Variants in IGF2BP3 observed in about 807,000 individuals in gnomAD.
The protein encoded by IGF2BP3 is insulin-like growth factor 2 mRNA-binding protein 3.
In IGF2BP3, 9 loss-of-function variants were observed where a neutral mutation model predicts 73.8. That is an observed-to-expected ratio of 0.12 (90% CI 0.07 to 0.21). IGF2BP3 has a LOEUF of 0.21. IGF2BP3 is among the 10% of genes least tolerant of loss of function. IGF2BP3 has a pLI of 1.00. For synonymous variants in IGF2BP3, 258 were observed against 256.7 expected (o/e 1.01, Z -0.05); for missense variants, 542 against 714.0 (o/e 0.76, Z 2.75).
chr7:23,374,779 CTA>C (rs1012875260), intron 3 of IGF2BP3, among the ~76,000 whole-genome samples: 3 of 152,066 alleles, frequency 2.0e-5, no homozygotes, highest in African/African-American at 7.2e-5. Context: ...AGGTTCTTTT[CTA>C]TATTCCCTAA....
At position 23,355,290 on chromosome 7, in the gene IGF2BP3, C is replaced by T. The variant is rs1236595061; in HGVS notation, c.402-3704G>A. 7.3e-5 allele frequency among the ~76,000 whole-genome samples: 11 copies of T among 151,302 alleles called. No individual in the cohort carries two copies. In the East Asian group the frequency reaches 1.9e-3, roughly 27 times the overall value. Reference sequence around the variant, plus strand: ...AGGCTGGAGCGCAATGACGCGATCTCGGCTCACTGCTGCAACCTCCACCTC... The same window carrying T: ...AGGCTGGAGCGCAATGACGCGATCTTGGCTCACTGCTGCAACCTCCACCTC... On this transcript the variant is annotated intron_variant, in intron 5 of 14. Coordinates refer to ENST00000258729, the MANE Select transcript of IGF2BP3 (RefSeq NM_006547.3).
intron 3 of IGF2BP3, among the ~76,000 whole-genome samples, chr7:23,393,671 G>A (rs1786356018): frequency 6.6e-6 from 1 of 152,248 alleles, no homozygotes; most frequent in East Asian, 1.9e-4. Flanking sequence ...ATTCTCAAAG[G>A]AGCTAAAATA....
chr7:23,378,703 A>G (rs1785809603), intron 3 of IGF2BP3, among the ~76,000 whole-genome samples: 1 of 149,940 alleles, frequency 6.7e-6, no homozygotes, highest in Non-Finnish European at 1.5e-5. Context: ...CCTCCCGAGT[A>G]GCTGGGACTA....
intron 3 of IGF2BP3, among the ~76,000 whole-genome samples, chr7:23,378,329 C>T (rs10227621): frequency 6.9e-6 from 1 of 145,606 alleles, no homozygotes; most frequent in Admixed American, 6.8e-5. Flanking sequence ...AATATCAAAT[C>T]TGAATTACAC....
intron 2 of IGF2BP3, among the ~76,000 whole-genome samples, chr7:23,461,770 T>A (rs1562765599): frequency 6.6e-6 from 1 of 152,216 alleles, no homozygotes; most frequent in Non-Finnish European, 1.5e-5. Context: ...CTTCCTTCAA[T>A]TTGTGGAAGA....
At chr7:23,359,324 A>G (rs918391132) in intron 5 of IGF2BP3, among the ~76,000 whole-genome samples, 1 of 152,214 alleles carries the variant, frequency 6.6e-6, no homozygotes, top group African/African-American at 2.4e-5. Flanking sequence ...ACCAAAGTTC[A>G]TCTTATGCCT....
intron 10 of IGF2BP3, among the ~76,000 whole-genome samples, chr7:23,340,957 C>CT (rs1784696521): frequency 6.6e-6 from 1 of 151,090 alleles, no homozygotes; most frequent in Non-Finnish European, 1.5e-5. Flanking sequence ...TCAAGCGATT[C>CT]TCCTGCCTCA....
intron 3 of IGF2BP3, among the ~76,000 whole-genome samples, chr7:23,393,556 G>A (rs1176246131): frequency 1.3e-5 from 2 of 152,118 alleles, no homozygotes; most frequent in Non-Finnish European, 2.9e-5. Flanking sequence ...GGCTGAGAGG[G>A]GTCAGTGGAG....
chr7:23,360,035 T>C lies in IGF2BP3; in HGVS notation c.401+1499A>G, dbSNP rs935355626. On this transcript the variant is annotated intron_variant, in intron 5 of 14. Coordinates refer to ENST00000258729, the MANE Select transcript of IGF2BP3 (RefSeq NM_006547.3). ...TATTAAAAGCCTCCAGTCTCACTTATGGGAGAAGTGAAAAACACAAGATAT... is the reference window on the plus strand; with the variant it reads ...TATTAAAAGCCTCCAGTCTCACTTACGGGAGAAGTGAAAAACACAAGATAT... 2.0e-4 allele frequency among the ~76,000 whole-genome samples: 31 copies of C among 151,690 alleles called. 1 individual carries two copies. Among genetic ancestry groups the C allele is most frequent in the Non-Finnish European group, 4.4e-5 (3 of 67,984 alleles).
At chr7:23,463,098 A>AT (rs1788487492) in intron 2 of IGF2BP3, among the ~76,000 whole-genome samples, 1 of 152,214 alleles carries the variant, frequency 6.6e-6, no homozygotes, top group Admixed American at 6.5e-5. Flanking sequence ...TCAGCTAAGA[A>AT]TAGCACAGCT....
At chr7:23,321,812 C>G (rs567295393) in intron 10 of IGF2BP3, among the ~76,000 whole-genome samples, 74 of 152,308 alleles carry the variant, frequency 4.9e-4, no homozygotes, top group Admixed American at 1.1e-3. Context: ...AGCAGGGGCA[C>G]ACTGACACCT....
chr7:23,346,635 C>T (rs1784834558), intron 7 of IGF2BP3, among the ~76,000 whole-genome samples: 1 of 151,576 alleles, frequency 6.6e-6, no homozygotes, highest in Non-Finnish European at 1.5e-5. Context: ...CCTCTGGCGC[C>T]AGGCAGGCGT....
chr7:23,447,076 C>A (rs1217303349), intron 2 of IGF2BP3, among the ~76,000 whole-genome samples: 2 of 151,904 alleles, frequency 1.3e-5, no homozygotes, highest in Non-Finnish European at 2.9e-5. Context: ...CAGTGGCGGG[C>A]ACCTGTAATC....
chr7:23,346,451 G>GGTTA, intron 7 of IGF2BP3, among the ~76,000 whole-genome samples: 1 of 152,144 alleles, frequency 6.6e-6, no homozygotes, highest in East Asian at 1.9e-4. Context: ...AAACAACAGT[G>GGTTA]GTTACACTTT....
At chr7:23,337,008 T>G (rs1326580002) in intron 10 of IGF2BP3, among the ~76,000 whole-genome samples, 1 of 152,028 alleles carries the variant, frequency 6.6e-6, no homozygotes, top group African/African-American at 2.4e-5. Context: ...TTTGGGAAAT[T>G]TACTGCCTTT....
chr7:23,352,111 T>C (rs61691166), intron 5 of IGF2BP3, among the ~76,000 whole-genome samples: 2,809 of 152,152 alleles, frequency 0.018, 86 homozygotes, highest in African/African-American at 0.064. Flanking sequence ...AAGAGACTAT[T>C]CTGAGTATTA....
intron 12 of IGF2BP3, among the ~76,000 whole-genome samples, chr7:23,314,183 TA>T (rs1281083583): frequency 1.4e-5 from 2 of 148,072 alleles, no homozygotes; most frequent in East Asian, 2.0e-4. Context: ...ACACCTGACT[TA>T]TTTTTTTTTT....
At chr7:23,387,760 T>C (rs1786133683) in intron 3 of IGF2BP3, among the ~76,000 whole-genome samples, 1 of 152,100 alleles carries the variant, frequency 6.6e-6, no homozygotes, top group Non-Finnish European at 1.5e-5. Flanking sequence ...TATGTGAATA[T>C]CTCAATAAAG....
intron 3 of IGF2BP3, among the ~76,000 whole-genome samples, chr7:23,369,987 T>C (rs879753195): frequency 6.6e-6 from 1 of 152,192 alleles, no homozygotes; most frequent in Non-Finnish European, 1.5e-5. Context: ...TCCATGACTA[T>C]ATCCTCCTGC....
Sources: gnomAD v4.1 joint callset for allele counts (sites outside exome capture counted in the v4.1 genomes callset) on GRCh38, gnomAD v4.1.1 for gene constraint, MANE v1.5 for transcripts, NCBI Gene and HGNC (gene_info 2026-07-23, HGNC 2026-07-21) for gene names.